LARP1: variants seen among roughly 807,000 people sequenced by gnomAD.
LARP1 encodes the protein la-related protein 1.
LARP1 carries 36 observed loss-of-function variants against 122.7 expected under a neutral mutation model. The ratio of observed to expected loss-of-function variants is 0.29; its 90% CI spans 0.22 to 0.39. The LOEUF is 0.39. Ranked by LOEUF, LARP1 falls within the 10% of genes least tolerant of loss-of-function variation. The probability of loss-of-function intolerance (pLI) is 1.00; values close to 1 mark genes in which losing one functional copy is unlikely to be tolerated. For synonymous variants in LARP1, 539 were observed against 528.7 expected (o/e 1.02, Z -0.27); for missense variants, 1,040 against 1,403.6 (o/e 0.74, Z 4.14).
At chr5:154,752,555 T>C (rs1236799362), upstream of LARP1, among the ~76,000 whole-genome samples, 1 of 152,098 alleles carries the variant, frequency 6.6e-6, no homozygotes, top group Non-Finnish European at 1.5e-5. Flanking sequence ...GGACTTCACT[T>C]TTCTGAACTT....
intron 1 of LARP1, among the ~76,000 whole-genome samples, chr5:154,686,304 C>T (rs1433901238): frequency 4.6e-5 from 7 of 152,112 alleles, no homozygotes; most frequent in African/African-American, 1.4e-4. Flanking sequence ...GGGGATGCTC[C>T]GGAAGAGGTG....
chr5:154,793,768 T>A, intron 5 of LARP1, 32 bp from the exon 6 acceptor site: 1 of 1,614,076 alleles, frequency 6.2e-7, no homozygotes, highest in Non-Finnish European at 8.5e-7. Context: ...GGAGACACCC[T>A]CAGGCCTGAC....
intron 14 of LARP1, among the ~76,000 whole-genome samples, chr5:154,805,513 G>T (rs891521474): frequency 1.3e-5 from 2 of 152,184 alleles, no homozygotes; most frequent in African/African-American, 2.4e-5. Context: ...AACCCATGTT[G>T]TTCAAGGGTT....
intron 1 of LARP1, among the ~76,000 whole-genome samples, chr5:154,782,429 G>A (rs929939029): frequency 3.9e-5 from 6 of 152,224 alleles, no homozygotes; most frequent in East Asian, 3.9e-4. Context: ...ACAGCCACCC[G>A]AGGGTGGCTG....
chr5:154,802,498 A>G lies in LARP1; in HGVS notation c.2109+99A>G, dbSNP rs1249884856. Reference sequence around the variant, plus strand: ...GCTGTGCAATTTTAGGCAGGTCCTTATAATTCAGAGTCTCAGGATTTTTAT... The same window carrying G: ...GCTGTGCAATTTTAGGCAGGTCCTTGTAATTCAGAGTCTCAGGATTTTTAT... On this transcript the variant is annotated intron_variant, in intron 11 of 18. Coordinates refer to ENST00000518297, the MANE Select transcript of LARP1 (RefSeq NM_033551.3). The surrounding 1 kb of genome is among the most constrained non-coding windows in gnomAD (Gnocchi z 5.1). The G allele has an allele frequency of 4.0e-5, 55 of 1,391,604 alleles. No individual in the cohort carries two copies. The highest frequency in any genetic ancestry group is 7.0e-5 in the East Asian group (3 of 43,072). 86.2% of individuals were successfully genotyped at this position (1,391,604 alleles called of 1,614,324 possible).
intron 1 of LARP1, among the ~76,000 whole-genome samples, chr5:154,739,245 C>T (rs1312128736): frequency 2.6e-5 from 4 of 152,092 alleles, no homozygotes; most frequent in Non-Finnish European, 5.9e-5. Flanking sequence ...TGGTCTCGAT[C>T]TCCTGACCTC....
chr5:154,755,215 GT>G (rs1561567507), upstream of LARP1, among the ~76,000 whole-genome samples: 1 of 148,184 alleles, frequency 6.7e-6, no homozygotes, highest in African/African-American at 2.5e-5. Context: ...TGCGCGCGCC[GT>G]CCCGCCGCCT....
intron 4 of LARP1, 27 bp downstream of exon 4, chr5:154,792,823 A>G: frequency 6.2e-7 from 1 of 1,608,820 alleles, no homozygotes; most frequent in Non-Finnish European, 8.5e-7. Flanking sequence ...AGGACTTGGG[A>G]GAAGGTGGCA....
chr5:154,683,616 G>A (rs142585065), intron 1 of LARP1, among the ~76,000 whole-genome samples: 2 of 152,126 alleles, frequency 1.3e-5, no homozygotes, highest in Non-Finnish European at 2.9e-5. Flanking sequence ...TTCCTGCCAG[G>A]CCTCATATGG....
intron 1 of LARP1, among the ~76,000 whole-genome samples, chr5:154,769,480 A>C (rs1257590994): frequency 2.0e-5 from 3 of 152,186 alleles, no homozygotes; most frequent in African/African-American, 7.2e-5. Flanking sequence ...CGTGGGGACG[A>C]CTTTAAGGTC....
Position 154,808,619 on chromosome 5 carries a change from TG to T in LARP1, c.2843+21del. On this transcript the variant is annotated intron_variant, in intron 16 of 18. Coordinates refer to ENST00000518297, the MANE Select transcript of LARP1 (RefSeq NM_033551.3). ...AAGGCTACAGGTGAGCAGGTTTGGG[TG>T]GGGGACTTTGGCTGGTGCTTAGGGA... 1 of 1,607,332 alleles carries T rather than the reference TG, an allele frequency of 6.2e-7. No homozygotes were observed. The highest frequency in any genetic ancestry group is 8.5e-7 in the Non-Finnish European group (1 of 1,176,718).
intron 1 of LARP1, among the ~76,000 whole-genome samples, chr5:154,704,517 C>G (rs545139111): frequency 3.3e-5 from 5 of 151,978 alleles, no homozygotes; most frequent in African/African-American, 9.6e-5. Flanking sequence ...TGTGGTGGCT[C>G]ACGCCTGTAA....
intron 1 of LARP1, 44 bp from the exon 2 acceptor site, chr5:154,790,281 C>CA: frequency 6.4e-7 from 1 of 1,560,664 alleles, no homozygotes. Context: ...GTAGCCCCCT[C>CA]ACATGGGCTT....
chr5:154,739,541 T>A (rs2113450827), intron 1 of LARP1, among the ~76,000 whole-genome samples: 1 of 152,294 alleles, frequency 6.6e-6, no homozygotes, highest in East Asian at 1.9e-4. Context: ...ACTCATTTGA[T>A]CTACTCATTG....
Position 154,808,454 on chromosome 5 carries a change from A to G in LARP1, c.2699-5A>G. ...ACATGCCTTTCCTCCTTTCTTTCCC[A>G]TCAGAGCGGAAACGCTTGGGCATTG... On this transcript the variant is annotated splice_region_variant and splice_polypyrimidine_tract_variant and intron_variant, in intron 15 of 18. Coordinates refer to ENST00000518297, the MANE Select transcript of LARP1 (RefSeq NM_033551.3). 4 of 1,610,410 alleles carry G rather than the reference A, an allele frequency of 2.5e-6. No individual in the cohort carries two copies. The South Asian group carries it at 4.4e-5, about 18-fold the overall frequency.
At chr5:154,794,825 A>T (rs1757618824) in intron 7 of LARP1, among the ~76,000 whole-genome samples, 1 of 152,234 alleles carries the variant, frequency 6.6e-6, no homozygotes, top group Non-Finnish European at 1.5e-5. Context: ...TCCAGTAAGG[A>T]AGTCATACAA....
intron 1 of LARP1, among the ~76,000 whole-genome samples, chr5:154,697,267 G>A (rs1214645019): frequency 6.8e-6 from 1 of 146,296 alleles, no homozygotes; most frequent in Non-Finnish European, 1.5e-5. Context: ...AGGCAGGTTT[G>A]CATGACCCAG....
At chr5:154,747,913 A>G (rs1319511715) in intron 1 of LARP1, among the ~76,000 whole-genome samples, 1 of 151,882 alleles carries the variant, frequency 6.6e-6, no homozygotes, top group Non-Finnish European at 1.5e-5. Flanking sequence ...TTGGAGTGCA[A>G]TGGCATGATC....
At chr5:154,723,333 C>T (rs1755999533) in intron 1 of LARP1, among the ~76,000 whole-genome samples, 1 of 152,158 alleles carries the variant, frequency 6.6e-6, no homozygotes, top group African/African-American at 2.4e-5. Context: ...CATAAGTGGC[C>T]AGGTGGAGAC....
Sources: gnomAD v4.1 joint callset for allele counts (sites outside exome capture counted in the v4.1 genomes callset) on GRCh38, gnomAD v4.1.1 for gene constraint, Gnocchi (gnomAD v3.1) non-coding constraint, MANE v1.5 for transcripts, NCBI Gene and HGNC (gene_info 2026-07-23, HGNC 2026-07-21) for gene names.